DPH6: variants seen among roughly 807,000 people sequenced by gnomAD.
DPH6 encodes diphthine--ammonia ligase.
Under a neutral mutation model 38.2 loss-of-function variants are expected in DPH6, and 33 were observed. The observed-to-expected ratio is 0.86, with a 90% CI of 0.65 to 1.15. DPH6 has a LOEUF of 1.15. DPH6 is among the 50% of genes most tolerant of loss of function. The pLI is 0.00. For missense variants in DPH6, 325 were observed against 320.0 expected (o/e 1.02, Z -0.12); for synonymous variants, 108 against 103.0 (o/e 1.05, Z -0.30).
At chr15:35,502,535 C>T (rs1055663795) in intron 3 of DPH6, among the ~76,000 whole-genome samples, 3 of 151,766 alleles carry the variant, frequency 2.0e-5, no homozygotes, top group African/African-American at 7.3e-5. Flanking sequence ...AACACTGGAG[C>T]ATTTATTAAT....
At chr15:35,268,269 G>A (rs761833457) in intron 3 of DPH6, among the ~76,000 whole-genome samples, 6 of 151,722 alleles carry the variant, frequency 4.0e-5, no homozygotes, top group Non-Finnish European at 5.9e-5. Flanking sequence ...AAAATAAAAT[G>A]GTGTAGCCAT....
intron 6 of DPH6, among the ~76,000 whole-genome samples, chr15:35,392,043 T>C (rs922541221): frequency 3.3e-5 from 5 of 152,258 alleles, no homozygotes; most frequent in Admixed American, 2.0e-4. Flanking sequence ...AAGGTGAAAA[T>C]TGGGTTGCCA....
intron 3 of DPH6, among the ~76,000 whole-genome samples, chr15:35,345,308 C>T (rs542168675): frequency 3.3e-5 from 5 of 151,796 alleles, no homozygotes; most frequent in South Asian, 4.2e-4. Context: ...GAGTCATAAC[C>T]GCAAATAATG....
chr15:35,367,955 TAAC>T (rs769179398), downstream of DPH6, among the ~76,000 whole-genome samples: 8 of 151,680 alleles, frequency 5.3e-5, no homozygotes, highest in African/African-American at 1.2e-4. Context: ...AATATGAAAA[TAAC>T]AACCAATTAA....
intron 3 of DPH6, among the ~76,000 whole-genome samples, chr15:35,339,856 G>T (rs1251460782): frequency 1.3e-5 from 2 of 152,142 alleles, no homozygotes; most frequent in Non-Finnish European, 2.9e-5. Flanking sequence ...TGTACATTCT[G>T]TTGTTTTTAG....
intron 4 of DPH6, among the ~76,000 whole-genome samples, chr15:35,451,907 G>A (rs1289029334): frequency 6.6e-6 from 1 of 152,216 alleles, no homozygotes; most frequent in East Asian, 1.9e-4. Context: ...CTACTCGGGA[G>A]GCTGAGGCAG....
chr15:35,231,055 T>G (rs547194807), intron 3 of DPH6, among the ~76,000 whole-genome samples: 3 of 152,304 alleles, frequency 2.0e-5, no homozygotes, highest in South Asian at 4.1e-4. Flanking sequence ...CTACTGTCTG[T>G]GGGCTCATTT....
the DPH6 span, among the ~76,000 whole-genome samples, chr15:35,159,567 T>C: frequency 1.3e-5 from 2 of 151,832 alleles, no homozygotes; most frequent in Non-Finnish European, 2.9e-5. Context: ...ATAACAGGTG[T>C]TGGCAGAACT....
At chr15:35,424,846 G>C (rs1451896438) in intron 5 of DPH6, among the ~76,000 whole-genome samples, 1 of 151,628 alleles carries the variant, frequency 6.6e-6, no homozygotes, top group Non-Finnish European at 1.5e-5. Context: ...AATCCTGCTT[G>C]AGTGAAGATG....
At chr15:35,452,444 C>T (rs1371048204) in intron 4 of DPH6, among the ~76,000 whole-genome samples, 1 of 151,836 alleles carries the variant, frequency 6.6e-6, no homozygotes, top group Non-Finnish European at 1.5e-5. Flanking sequence ...GCGTCCCTAG[C>T]ATCTGTAAGG....
At chr15:35,453,675 A>G (rs1427722651) in intron 4 of DPH6, among the ~76,000 whole-genome samples, 1 of 152,088 alleles carries the variant, frequency 6.6e-6, no homozygotes, top group Non-Finnish European at 1.5e-5. Flanking sequence ...CTAAAATGTA[A>G]GATCATATTT....
At chr15:35,206,777 A>T in the DPH6 span, among the ~76,000 whole-genome samples, 1 of 152,214 alleles carries the variant, frequency 6.6e-6, no homozygotes, top group South Asian at 2.1e-4. Flanking sequence ...AAGGTATTAA[A>T]ATTCAGAACT....
the DPH6 span, among the ~76,000 whole-genome samples, chr15:35,158,488 C>T: frequency 7.5e-4 from 114 of 152,120 alleles, no homozygotes; most frequent in African/African-American, 2.7e-3. Flanking sequence ...TGTTTTGAAA[C>T]TCAAAAGTGC....
chr15:35,468,683 GA>G (rs144759781), intron 3 of DPH6, among the ~76,000 whole-genome samples: 2 of 151,810 alleles, frequency 1.3e-5, no homozygotes, highest in African/African-American at 4.8e-5. Flanking sequence ...GCACGTAACA[GA>G]AAAAACAAGA....
At chr15:35,402,382 C>A (rs919497685) in intron 6 of DPH6, among the ~76,000 whole-genome samples, 1 of 152,070 alleles carries the variant, frequency 6.6e-6, no homozygotes, top group Non-Finnish European at 1.5e-5. Context: ...ATGCAATATA[C>A]CTAAATTGAA....
chr15:35,378,528 G>A (rs2052813624), intron 7 of DPH6, among the ~76,000 whole-genome samples: 1 of 152,112 alleles, frequency 6.6e-6, no homozygotes, highest in African/African-American at 2.4e-5. Context: ...ACATGCACAT[G>A]TATGTTTATT....
intron 3 of DPH6, among the ~76,000 whole-genome samples, chr15:35,459,834 A>C (rs1315165711): frequency 6.6e-6 from 1 of 151,202 alleles, no homozygotes; most frequent in Non-Finnish European, 1.5e-5. Context: ...GGACAAAGTA[A>C]CAACATTACC....
chr15:35,474,136 T>C (rs1041783929), intron 3 of DPH6, among the ~76,000 whole-genome samples: 2 of 152,032 alleles, frequency 1.3e-5, no homozygotes, highest in Non-Finnish European at 2.9e-5. Context: ...TAAACAAAAA[T>C]TAACATCAAC....
intron 3 of DPH6, among the ~76,000 whole-genome samples, chr15:35,315,376 C>T (rs191666647): frequency 1.3e-5 from 2 of 152,210 alleles, no homozygotes; most frequent in African/African-American, 4.8e-5. Flanking sequence ...TTCTTATTGG[C>T]AAAAATGTGT....
Sources: allele counts gnomAD v4.1 joint callset (sites outside exome capture counted in the v4.1 genomes callset), GRCh38; gene constraint gnomAD v4.1.1; transcripts MANE v1.5; gene names NCBI Gene and HGNC (gene_info 2026-07-23, HGNC 2026-07-21).